PMP2: variants seen among roughly 807,000 people sequenced by gnomAD.
PMP2 encodes the protein peripheral myelin protein 2.
A neutral mutation model predicts 15.9 loss-of-function variants in PMP2; 11 were observed. The observed-to-expected ratio is 0.69, with a 90% CI of 0.44 to 1.14. The LOEUF is 1.14. Among genes scored for constraint, PMP2 ranks in the 50% most tolerant of loss-of-function variants. The pLI, the probability that PMP2 is intolerant of heterozygous loss-of-function variation, is 0.00. For missense variants in PMP2, 151 were observed against 154.0 expected (o/e 0.98, Z 0.10); for synonymous variants, 55 against 54.1 (o/e 1.02, Z -0.07).
rs189231979 is a variant in PMP2, at chr8:81,442,322, C to T, written c.*1076G>A. The T allele has an allele frequency of 1.3e-5, 2 of 152,498 alleles. No individual in the cohort carries two copies. The highest frequency in any genetic ancestry group is 3.9e-4 in the East Asian group (2 of 5,184). The allele number at this position is 152,498 out of a possible 1,614,324, so 9.4% of individuals were successfully genotyped here. A position where few individuals can be genotyped will look rare whatever the true frequency, so the allele number is the denominator to read the frequency against. On this transcript the variant is annotated 3_prime_UTR_variant, in exon 4 of 4. Coordinates refer to ENST00000256103, the MANE Select transcript of PMP2 (RefSeq NM_002677.5). ...ATTACTTGGGCACAATGCAATGGTCCCCCGTTCCTGCCTGTCAACAATTAC... is the reference window on the plus strand; with the variant it reads ...ATTACTTGGGCACAATGCAATGGTCTCCCGTTCCTGCCTGTCAACAATTAC...
At chr8:81,446,930 A>G (rs1807458640) in intron 1 of PMP2, among the ~76,000 whole-genome samples, 1 of 152,212 alleles carries the variant, frequency 6.6e-6, no homozygotes, top group Non-Finnish European at 1.5e-5. Flanking sequence ...GATTTGCAAT[A>G]TATTCAATTC....
intron 1 of PMP2, among the ~76,000 whole-genome samples, chr8:81,446,340 C>T (rs1807449893): frequency 6.6e-6 from 1 of 152,168 alleles, no homozygotes; most frequent in Non-Finnish European, 1.5e-5. Flanking sequence ...TTGGCTTCTT[C>T]CTCAGCTGTA....
Position 81,442,477 on chromosome 8 carries a change from TTAA to T in PMP2, c.*918_*920del, listed in dbSNP as rs1807367715. On this transcript the variant is annotated 3_prime_UTR_variant, in exon 4 of 4. Transcript: ENST00000256103. The stretch of plus-strand genomic sequence containing the variant: ...GAAAATTAGAAATAGCTCAATTGTC[TTAA>T]TAGTAGAATGGATAAACTGTGATAT... The T allele has an allele frequency of 6.6e-6, 1 of 152,474 alleles. No individual in the cohort carries two copies. Among genetic ancestry groups the T allele is most frequent in the Non-Finnish European group, 1.5e-5 (1 of 67,970 alleles). The allele number at this position is 152,474 out of a possible 1,614,324, so 9.4% of individuals were successfully genotyped here.
chr8:81,444,812 A>AT lies in PMP2; in HGVS notation c.246+4dup, dbSNP rs765563494. 7 of 1,612,000 alleles carry AT rather than the reference A, an allele frequency of 4.3e-6. No homozygotes were observed. Among genetic ancestry groups the AT allele is most frequent in the Non-Finnish European group, 5.9e-6 (7 of 1,179,392 alleles). On this transcript the variant is annotated splice_donor_region_variant and intron_variant, in intron 2 of 3. Coordinates refer to ENST00000256103, the MANE Select transcript of PMP2 (RefSeq NM_002677.5). ...CCAACTTTGAAGAGAAACATTAAAG[A>AT]TTACCTTGGTCTTTCTATTGTCAGC... is the stretch of plus-strand genomic sequence containing the variant.
At position 81,442,888 on chromosome 8, in the gene PMP2, T is replaced by C. The variant is rs1807376464; in HGVS notation, c.*510A>G. ...GTCTATAAATTTAACTGTCTATAAA[T>C]TATCCATTAATTTTAAAATGTTGGC... is the stretch of plus-strand genomic sequence containing the variant. On this transcript the variant is annotated 3_prime_UTR_variant, in exon 4 of 4. Coordinates refer to ENST00000256103, the MANE Select transcript of PMP2 (RefSeq NM_002677.5). 1 of 152,132 alleles carries C rather than the reference T, an allele frequency of 6.6e-6. No homozygotes were observed. The highest frequency in any genetic ancestry group is 1.5e-5 in the Non-Finnish European group (1 of 67,978). The allele number at this position is 152,132 out of a possible 1,614,324, so 9.4% of individuals were successfully genotyped here.
chr8:81,444,739 C>T (rs370111701), intron 2 of PMP2, 78 bp downstream of exon 2: 1 of 1,426,718 alleles, frequency 7.0e-7, no homozygotes, highest in Admixed American at 1.8e-5. Flanking sequence ...TTGAGTCTAC[C>T]CTTTTACACT....
In PMP2 at chr8:81,444,982, C is replaced by A; in HGVS notation, c.81G>T (p.Gly27=). Residue 27 remains glycine (G), a synonymous_variant, in exon 2 of 4, where the codon GGG becomes GGT. Coordinates refer to ENST00000256103, the MANE Select transcript of PMP2 (RefSeq NM_002677.5). ...AATTTCCCAGTTTTCTGGTGGCTAA[C>A]CCCACACCTGAAAATTAAGATAGTG... The part of the protein sequence containing the change: ...FDDYMKALGV[G]LATRKLGNLA... The A allele has an allele frequency of 6.2e-7, 1 of 1,612,054 alleles. No homozygotes were observed.
intron 1 of PMP2, among the ~76,000 whole-genome samples, chr8:81,446,589 A>G (rs1016790857): frequency 1.3e-5 from 2 of 152,226 alleles, no homozygotes; most frequent in Admixed American, 6.5e-5. Context: ...AAGACTCTTC[A>G]TATCTATTGT....
rs1807379942 is a variant in PMP2 at position 81,443,076 on chromosome 8, T to G, written c.*322A>C. ...GATCAATACTTTGATTTCATTTTAC[T>G]AAGAAATTATATCCTTTTTATTATC... On this transcript the variant is annotated 3_prime_UTR_variant, in exon 4 of 4. Coordinates refer to ENST00000256103, the MANE Select transcript of PMP2 (RefSeq NM_002677.5). 1.0e-5 allele frequency: 2 copies of G among 193,848 alleles called. No homozygotes were observed. Among genetic ancestry groups the G allele is most frequent in the South Asian group, 2.9e-4 (2 of 6,866 alleles). The allele number at this position is 193,848 out of a possible 1,614,324, so 12.0% of individuals were successfully genotyped here. A position where few individuals can be genotyped will look rare whatever the true frequency, so the allele number is the denominator to read the frequency against.
At chr8:81,445,166 C>G (rs1435474060) in intron 1 of PMP2, among the ~76,000 whole-genome samples, 177 bp from the exon 2 acceptor site, 1 of 152,098 alleles carries the variant, frequency 6.6e-6, no homozygotes, top group East Asian at 1.9e-4. Context: ...GCCCAGGACT[C>G]AAACATTTTA....
Position 81,444,544 on chromosome 8 carries a change from C to G in PMP2, c.304G>C (p.Glu102Gln). Residue 102 changes from glutamate to glutamine, a missense_variant, in exon 3 of 4, where the codon GAG becomes CAG. By Grantham distance (29) the Glu-to-Gln change is conservative (BLOSUM62 2). Transcript: ENST00000256103. Reference sequence around the variant, plus strand: ...ACTAGCTTTCTCTTTATGGTTGTCTCTTTGCCATCCCATCTCTGCACTTGA... The same window carrying G: ...ACTAGCTTTCTCTTTATGGTTGTCTGTTTGCCATCCCATCTCTGCACTTGA... ...LNQVQRWDGK[E>Q]TTIKRKLVNG... The G allele has an allele frequency of 1.9e-6, 3 of 1,614,074 alleles. No homozygotes were observed. The highest frequency in any genetic ancestry group is 1.7e-6 in the Non-Finnish European group (2 of 1,179,936).
intron 1 of PMP2, 107 bp from the exon 2 acceptor site, chr8:81,445,096 A>AG (rs1426846879): frequency 1.6e-5 from 12 of 764,816 alleles, no homozygotes; most frequent in Non-Finnish European, 2.3e-5. Flanking sequence ...AGTTGATGGC[A>AG]GGTAATATCA....
In PMP2 at chr8:81,440,772, G is replaced by C. The variant is rs956807116; in HGVS notation, c.*2626C>G. ...CTCTTTATGTATGTTTGTGTGTACT[G>C]TTGCACATGCAAATGCACACAAATA... On this transcript the variant is annotated 3_prime_UTR_variant, in exon 4 of 4. Coordinates refer to ENST00000256103, the MANE Select transcript of PMP2 (RefSeq NM_002677.5). The C allele has an allele frequency of 5.3e-5, 8 of 152,250 alleles. No homozygotes were observed. The highest frequency in any genetic ancestry group is 1.9e-4 in the African/African-American group (8 of 41,544). 9.4% of individuals were successfully genotyped at this position (152,250 alleles called of 1,614,324 possible).
In PMP2 at chr8:81,443,010, T is replaced by A. The variant is rs1391565766; in HGVS notation, c.*388A>T. On this transcript the variant is annotated 3_prime_UTR_variant, in exon 4 of 4. Coordinates refer to ENST00000256103, the MANE Select transcript of PMP2 (RefSeq NM_002677.5). ...CCTCATTTCTGATGCTCCTTCCCCA[T>A]ATCTCCTCTGGCCCCTGTCAGCATT... 1 of 156,116 alleles carries A rather than the reference T, an allele frequency of 6.4e-6. No individual in the cohort carries two copies. Among genetic ancestry groups the A allele is most frequent in the Non-Finnish European group, 1.4e-5 (1 of 70,868 alleles). The allele number at this position is 156,116 out of a possible 1,614,324, so 9.7% of individuals were successfully genotyped here.
At chr8:81,446,529 G>A (rs1563518979) in intron 1 of PMP2, among the ~76,000 whole-genome samples, 1 of 152,082 alleles carries the variant, frequency 6.6e-6, no homozygotes, top group Admixed American at 6.6e-5. Context: ...AGCAAACTCG[G>A]GTCACTGGCA....
At position 81,444,575 on chromosome 8, in the gene PMP2, T is replaced by C; in HGVS notation, c.273A>G (p.Ser91=). Residue 91 remains serine (S), a synonymous_variant, in exon 3 of 4, where the codon TCA becomes TCG. Coordinates refer to ENST00000256103, the MANE Select transcript of PMP2 (RefSeq NM_002677.5). ...TKSIVTLQRG[S]LNQVQRWDGK... is the part of the protein sequence containing the mutation. Reference sequence around the variant, plus strand: ...CATCCCATCTCTGCACTTGATTCAGTGATCCTCTCTGCAGGGTTACGATGC... The same window carrying C: ...CATCCCATCTCTGCACTTGATTCAGCGATCCTCTCTGCAGGGTTACGATGC... 1.9e-6 allele frequency: 3 copies of C among 1,613,904 alleles called. No individual in the cohort carries two copies. The highest frequency in any genetic ancestry group is 2.5e-6 in the Non-Finnish European group (3 of 1,179,766).
intron 2 of PMP2, 67 bp downstream of exon 2, chr8:81,444,750 A>C: frequency 6.8e-7 from 1 of 1,463,784 alleles, no homozygotes. Flanking sequence ...CTTTTACACT[A>C]GCAGGAATAT....
rs1563518306 is a variant in PMP2, at chr8:81,444,815, A to T, written c.246+2T>A. ...ACTTTGAAGAGAAACATTAAAGATT[A>T]CCTTGGTCTTTCTATTGTCAGCTGT... On this transcript the variant is annotated splice_donor_variant, in intron 2 of 3. Transcript: ENST00000256103. LOFTEE classifies it high-confidence loss of function. The T allele has an allele frequency of 6.2e-7, 1 of 1,612,540 alleles. No homozygotes were observed. The highest frequency in any genetic ancestry group is 1.3e-5 in the African/African-American group (1 of 74,782).
chr8:81,444,720 T>G (rs541095984), intron 2 of PMP2, 97 bp downstream of exon 2: 32 of 1,367,566 alleles, frequency 2.3e-5, no homozygotes, highest in Middle Eastern at 1.8e-4. Context: ...ACACTCCTTT[T>G]CAACAGAATT....
Sources: allele counts gnomAD v4.1 joint callset (sites outside exome capture counted in the v4.1 genomes callset), GRCh38; gene constraint gnomAD v4.1.1; transcripts MANE v1.5; gene names NCBI Gene and HGNC (gene_info 2026-07-23, HGNC 2026-07-21).